PCYT1A: variants seen among roughly 807,000 people sequenced by gnomAD.
PCYT1A encodes choline-phosphate cytidylyltransferase A.
Under a neutral mutation model 43.7 loss-of-function variants are expected in PCYT1A, and 25 were observed. That is an observed-to-expected ratio of 0.57 (90% CI 0.42 to 0.80). The LOEUF is 0.80. Ranked by LOEUF, PCYT1A falls within the 30% of genes least tolerant of loss-of-function variation. The probability of loss-of-function intolerance (pLI) is 0.00; values close to 1 mark genes in which losing one functional copy is unlikely to be tolerated. For synonymous variants in PCYT1A, 172 were observed against 170.7 expected (o/e 1.01, Z -0.06); for missense variants, 421 against 474.2 (o/e 0.89, Z 1.04).
At chr3:196,241,246 G>A (rs1028763272) in intron 7 of PCYT1A, among the ~76,000 whole-genome samples, 6 of 151,302 alleles carry the variant, frequency 4.0e-5, no homozygotes, top group African/African-American at 9.7e-5. Flanking sequence ...GCAGTGAGCC[G>A]AGATCACGCC....
Position 196,238,801 on chromosome 3 carries a change from AG to A in PCYT1A, c.990del (p.Ser331ProfsTer166), listed in dbSNP as rs587777193. On this transcript the variant is annotated frameshift_variant, in exon 9 of 9. Transcript: ENST00000431016. LOFTEE classifies it high-confidence loss of function. ...PSSSPTRERS[P>X]SPSFRWPFSG... is the part of the protein sequence containing the mutation. ...GAGAAGGGCCATCGGAAAGAGGGGG[AG>A]GGGGAGCGCTCGCGAGTAGGGCTGC... is the stretch of plus-strand genomic sequence containing the variant. 109 of 1,580,936 alleles carry A rather than the reference AG, an allele frequency of 6.9e-5. No individual in the cohort carries two copies. Among genetic ancestry groups the A allele is most frequent in the South Asian group, 1.5e-4 (13 of 86,724 alleles).
Position 196,239,693 on chromosome 3 carries a change from TCTTTA to T in PCYT1A, c.746_750del (p.Val249GlufsTer23). ...TTTTCCTCCACATCTTTCACTTTCT[TCTTTA>T]CTTTGTCAACCCTCTCCTGCAAGTG... On this transcript the variant is annotated frameshift_variant, in exon 8 of 9. Transcript: ENST00000431016. LOFTEE classifies it high-confidence loss of function. The T allele has an allele frequency of 6.2e-7, 1 of 1,612,362 alleles. No homozygotes were observed. The highest frequency in any genetic ancestry group is 8.5e-7 in the Non-Finnish European group (1 of 1,178,356).
At chr3:196,253,336 C>CAAA (rs60342446) in intron 3 of PCYT1A, among the ~76,000 whole-genome samples, 2 of 105,970 alleles carry the variant, frequency 1.9e-5, no homozygotes, top group East Asian at 3.9e-4. Context: ...GACTCTGTCT[C>CAAA]AAAAAAAAAA....
chr3:196,277,826 G>A lies in PCYT1A; in HGVS notation c.-10-7285C>T, dbSNP rs1209968104. On this transcript the variant is annotated intron_variant, in intron 1 of 8. Coordinates refer to ENST00000431016, the MANE Select transcript of PCYT1A (RefSeq NM_001312673.2). The surrounding 1 kb of genome is among the most constrained non-coding windows in gnomAD (Gnocchi z 4.1). ...GTGGAGGTTGCAGTGAGCCTAAATC[G>A]CACGCCACTGCGCTCCAGCCTGGGC... Among the ~76,000 whole-genome samples the A allele has an allele frequency of 2.0e-5, 3 of 152,130 alleles. No individual in the cohort carries two copies. Among genetic ancestry groups the A allele is most frequent in the African/African-American group, 4.8e-5 (2 of 41,422 alleles).
At position 196,241,949 on chromosome 3, in the gene PCYT1A, T is replaced by C. The variant is rs201929666; in HGVS notation, c.707A>G (p.Asn236Ser). ...CTCTGGGGTAAGGCTGGAACTCACG[T>C]TGATAAAGCTGACATTGAGCTCCTT... is the stretch of plus-strand genomic sequence containing the variant. ...TAKELNVSFINEKKYHLQERV... is the reference protein window; with the variant it reads ...TAKELNVSFISEKKYHLQERV... Residue 236 changes from asparagine (N) to serine (S), a missense_variant and splice_region_variant, in exon 7 of 9, where the codon AAC becomes AGC. Asn to Ser is a conservative substitution (Grantham distance 46, BLOSUM62 1). Transcript: ENST00000431016. The C allele has an allele frequency of 3.9e-4, 630 of 1,614,200 alleles. 5 individuals carry two copies. The South Asian group carries it at 6.5e-3, about 17-fold the overall frequency.
At chr3:196,256,444 T>G (rs751299759) in intron 3 of PCYT1A, among the ~76,000 whole-genome samples, 10 of 151,972 alleles carry the variant, frequency 6.6e-5, no homozygotes, top group Non-Finnish European at 1.5e-4. Context: ...GAGCCAAGAT[T>G]GTGCCACTGC....
At chr3:196,257,709 GA>G in intron 3 of PCYT1A, 78 bp downstream of exon 3, 1 of 893,120 alleles carries the variant, frequency 1.1e-6, no homozygotes, top group South Asian at 1.4e-5. Context: ...AGTATATAGA[GA>G]GCAGGTGTGT....
At position 196,241,574 on chromosome 3, in the gene PCYT1A, T is replaced by C. The variant is rs369617944; in HGVS notation, c.708+374A>G. ...ACTCAGGTCTGTGTGGGAAGTGGTGTGTCGGGTGTCACTATCCACACGAGG... is the reference window on the plus strand; with the variant it reads ...ACTCAGGTCTGTGTGGGAAGTGGTGCGTCGGGTGTCACTATCCACACGAGG... On this transcript the variant is annotated intron_variant, in intron 7 of 8. Coordinates refer to ENST00000431016, the MANE Select transcript of PCYT1A (RefSeq NM_001312673.2). 1.2e-5 allele frequency: 16 copies of C among 1,300,800 alleles called. 1 individual carries two copies. The East Asian group carries it at 2.1e-4, about 17-fold the overall frequency. 80.6% of individuals were successfully genotyped at this position (1,300,800 alleles called of 1,614,324 possible).
At chr3:196,263,605 A>G (rs760667042) in intron 2 of PCYT1A, among the ~76,000 whole-genome samples, 3 of 152,118 alleles carry the variant, frequency 2.0e-5, no homozygotes, top group Non-Finnish European at 4.4e-5. Context: ...AACAGAGCTG[A>G]AAGATTCCAC....
rs755814954 is a variant in PCYT1A at position 196,247,374 on chromosome 3, T to C, written c.479A>G (p.Glu160Gly). The change falls in exon 5 of 9, where the codon GAA (glutamate) becomes GGA (glycine). Residue 160 changes from glutamate to glycine, a missense_variant. By Grantham distance (98) the Glu-to-Gly change is moderately conservative (BLOSUM62 -2). Around this residue, in one of 3 missense-constraint regions of PCYT1A, gnomAD observed 174 missense variants for 270.7 expected, o/e 0.64. Coordinates refer to ENST00000431016, the MANE Select transcript of PCYT1A (RefSeq NM_001312673.2). The surrounding 1 kb of genome is among the most constrained non-coding windows in gnomAD (Gnocchi z 4.8). ...PWTLTPEFLA[E>G]HRIDFVAHDD... is the part of the protein sequence containing the mutation. Reference sequence around the variant, plus strand: ...ATGTGTCCAGTTTCTTACCCGGTGTTCGGCCAGGAACTCGGGTGTCAGCGT... The same window carrying C: ...ATGTGTCCAGTTTCTTACCCGGTGTCCGGCCAGGAACTCGGGTGTCAGCGT... 6.2e-7 allele frequency: 1 copy of C among 1,614,008 alleles called. No individual in the cohort carries two copies. Among genetic ancestry groups the C allele is most frequent in the Non-Finnish European group, 8.5e-7 (1 of 1,180,010 alleles).
intron 2 of PCYT1A, 60 bp from the exon 3 acceptor site, chr3:196,257,947 T>TAA (rs878915126): frequency 5.3e-4 from 374 of 711,974 alleles, no homozygotes; most frequent in South Asian, 8.4e-4. Flanking sequence ...ACTGTAATAC[T>TAA]AAAAAAAAAA....
At chr3:196,286,359 A>G (rs989151546) in intron 1 of PCYT1A, among the ~76,000 whole-genome samples, 1 of 152,214 alleles carries the variant, frequency 6.6e-6, no homozygotes, top group East Asian at 1.9e-4. Context: ...CCTGTTCCCA[A>G]TTGCATCTTT....
rs1361754754 is a variant in PCYT1A, at chr3:196,238,307, A to G, written c.*381T>C. 6.2e-6 allele frequency: 1 copy of G among 161,402 alleles called. No homozygotes were observed. The highest frequency in any genetic ancestry group is 2.4e-5 in the African/African-American group (1 of 41,802). 10.0% of individuals were successfully genotyped at this position (161,402 alleles called of 1,614,324 possible). On this transcript the variant is annotated 3_prime_UTR_variant, in exon 9 of 9. Coordinates refer to ENST00000431016, the MANE Select transcript of PCYT1A (RefSeq NM_001312673.2). ...GGAAGAAAAGGCCTCTGCGTATTAC[A>G]CTACCTCCTTCTTCTGCCCACTCCT...
At chr3:196,258,504 G>A (rs915075098) in intron 2 of PCYT1A, among the ~76,000 whole-genome samples, 7 of 151,600 alleles carry the variant, frequency 4.6e-5, no homozygotes, top group East Asian at 1.9e-4. Context: ...TCTAGTATCC[G>A]TTGTTGTTTC....
At chr3:196,284,691 G>C (rs1205876036) in intron 1 of PCYT1A, among the ~76,000 whole-genome samples, 2 of 152,172 alleles carry the variant, frequency 1.3e-5, no homozygotes, top group African/African-American at 4.8e-5. Context: ...TAGACTGAGG[G>C]GGAATGAAGC....
In PCYT1A at chr3:196,253,336, C is replaced by CAAAAAA. The variant is rs60342446; in HGVS notation, c.217+4446_217+4451dup. 2.5e-4 allele frequency among the ~76,000 whole-genome samples: 27 copies of CAAAAAA among 105,992 alleles called. 1 individual carries two copies. Among genetic ancestry groups the CAAAAAA allele is most frequent in the African/African-American group, 8.1e-4 (23 of 28,546 alleles). The allele number at this position is 105,992 out of a possible 152,430, so 69.5% of individuals were successfully genotyped here. ...TGCGAGACAGAGCAAGACTCTGTCT[C>CAAAAAA]AAAAAAAAAAAAAATTGAAGTATCC... On this transcript the variant is annotated intron_variant, in intron 3 of 8. Coordinates refer to ENST00000431016, the MANE Select transcript of PCYT1A (RefSeq NM_001312673.2).
intron 1 of PCYT1A, among the ~76,000 whole-genome samples, chr3:196,286,776 T>C (rs1392947201): frequency 1.3e-5 from 2 of 152,128 alleles, no homozygotes; most frequent in Non-Finnish European, 2.9e-5. Flanking sequence ...TAGCCGGGCG[T>C]GGTGGCGCAT....
rs1725148008 is a variant in PCYT1A, at chr3:196,262,627, C to A, written c.118-4740G>T. On this transcript the variant is annotated intron_variant, in intron 2 of 8. Coordinates refer to ENST00000431016, the MANE Select transcript of PCYT1A (RefSeq NM_001312673.2). ...AATATTGCTTCCATAACAACTTTTT[C>A]CAGACTATATTCACACACATTATTT... Among the ~76,000 whole-genome samples the A allele has an allele frequency of 3.3e-5, 5 of 152,132 alleles. No homozygotes were observed. The South Asian group carries it at 1.0e-3, about 31-fold the overall frequency.
intron 2 of PCYT1A, among the ~76,000 whole-genome samples, chr3:196,265,041 TTTA>T (rs1442392682): frequency 6.6e-6 from 1 of 151,392 alleles, no homozygotes; most frequent in African/African-American, 2.4e-5. Flanking sequence ...TTTTATTTTA[TTTA>T]TTATTATTTT....
Sources: gnomAD v4.1 joint callset for allele counts (sites outside exome capture counted in the v4.1 genomes callset) on GRCh38, gnomAD v4.1.1 for gene constraint, gnomAD v4.1.1 regional missense constraint, Gnocchi (gnomAD v3.1) non-coding constraint, MANE v1.5 for transcripts, NCBI Gene and HGNC (gene_info 2026-07-23, HGNC 2026-07-21) for gene names.